TTC17: variants seen among roughly 807,000 people sequenced by gnomAD.
TTC17 encodes the protein tetratricopeptide repeat protein 17.
In TTC17, 58 loss-of-function variants were observed where a neutral mutation model predicts 143.8. The ratio of observed to expected loss-of-function variants is 0.40; its 90% CI spans 0.33 to 0.50. TTC17 has a LOEUF of 0.50. TTC17 is among the 20% of genes least tolerant of loss of function. TTC17 has a pLI of 0.49. For synonymous variants in TTC17, 501 were observed against 497.8 expected, an observed-to-expected ratio of 1.01 and a Z score of -0.09; for missense variants, 1,273 against 1,392.5, an observed-to-expected ratio of 0.91 and a Z score of 1.37.
intron 1 of TTC17, among the ~76,000 whole-genome samples, chr11:43,371,578 T>A (rs1190485346): frequency 6.6e-6 from 1 of 152,242 alleles, no homozygotes; most frequent in Non-Finnish European, 1.5e-5. Context: ...CTGAACCCAG[T>A]CCTTTTGGGG....
intron 16 of TTC17, among the ~76,000 whole-genome samples, chr11:43,433,953 A>G (rs1399919878): frequency 6.6e-5 from 10 of 152,182 alleles, no homozygotes; most frequent in South Asian, 2.1e-4. Context: ...ATAATAAATT[A>G]TACTCAATTG....
chr11:43,431,865 A>T (rs1291036424), intron 16 of TTC17, among the ~76,000 whole-genome samples: 1 of 152,240 alleles, frequency 6.6e-6, no homozygotes, highest in African/African-American at 2.4e-5. Flanking sequence ...GATGAGGAAA[A>T]CGATTCACAA....
At chr11:43,365,283 TG>T (rs1278866347) in intron 1 of TTC17, among the ~76,000 whole-genome samples, 1 of 152,096 alleles carries the variant, frequency 6.6e-6, no homozygotes, top group Non-Finnish European at 1.5e-5. Context: ...TTTTATTTTT[TG>T]TAGAGATAGG....
intron 2 of TTC17, among the ~76,000 whole-genome samples, chr11:43,387,290 T>A (rs1857205215): frequency 6.6e-6 from 1 of 152,156 alleles, no homozygotes; most frequent in South Asian, 2.1e-4. Context: ...CTCAGTGCTG[T>A]TCTCATGAAG....
intron 2 of TTC17, 72 bp from the exon 3 acceptor site, chr11:43,389,580 C>A: frequency 7.0e-7 from 1 of 1,434,250 alleles, no homozygotes; most frequent in Non-Finnish European, 9.3e-7. Flanking sequence ...GCTCAGATTC[C>A]CCTTTCTCTT....
intron 16 of TTC17, among the ~76,000 whole-genome samples, chr11:43,439,804 C>T (rs1947375731): frequency 6.6e-6 from 1 of 152,002 alleles, no homozygotes; most frequent in African/African-American, 2.4e-5. Context: ...CTCCTAGTCC[C>T]TGTGATTCTT....
intron 21 of TTC17, among the ~76,000 whole-genome samples, chr11:43,464,313 A>G (rs770199707): frequency 1.3e-5 from 2 of 151,966 alleles, no homozygotes; most frequent in South Asian, 2.1e-4. Flanking sequence ...CATTCCTTCT[A>G]CTACACACCA....
intron 5 of TTC17, among the ~76,000 whole-genome samples, chr11:43,394,854 G>A (rs1402742983): frequency 6.6e-6 from 1 of 152,002 alleles, no homozygotes; most frequent in East Asian, 1.9e-4. Context: ...AAGCAGAGGG[G>A]GAAAGCCAGC....
At chr11:43,375,641 C>T (rs181341734) in intron 1 of TTC17, among the ~76,000 whole-genome samples, 1 of 150,124 alleles carries the variant, frequency 6.7e-6, no homozygotes, top group Admixed American at 6.6e-5. Context: ...AGATGAATAC[C>T]ATTTAAAAAA....
At chr11:43,411,957 A>G (rs11602575) in intron 15 of TTC17, among the ~76,000 whole-genome samples, 14,047 of 152,282 alleles carry the variant, frequency 0.092, 800 homozygotes, top group Middle Eastern at 0.16. Context: ...GCATTGTTTT[A>G]CATAGGGATA....
At chr11:43,425,799 AATT>A (rs1160888341) in intron 16 of TTC17, among the ~76,000 whole-genome samples, 2 of 152,192 alleles carry the variant, frequency 1.3e-5, no homozygotes, top group African/African-American at 2.4e-5. Context: ...AAGTATATTT[AATT>A]ATTATCTCAA....
chr11:43,467,666 C>T (rs187526595), intron 21 of TTC17, among the ~76,000 whole-genome samples: 52 of 152,092 alleles, frequency 3.4e-4, no homozygotes, highest in African/African-American at 1.2e-3. Context: ...GTTTTCACTA[C>T]AATAACAAGT....
At chr11:43,441,870 TTGGGTTAC>T (rs1947429085) in intron 16 of TTC17, among the ~76,000 whole-genome samples, 1 of 152,214 alleles carries the variant, frequency 6.6e-6, no homozygotes, top group African/African-American at 2.4e-5. Flanking sequence ...AGCAATCACC[TTGGGTTAC>T]TGGGTTTGCA....
At chr11:43,388,997 G>A (rs907401063) in intron 2 of TTC17, among the ~76,000 whole-genome samples, 14 of 151,246 alleles carry the variant, frequency 9.3e-5, no homozygotes, top group African/African-American at 3.2e-4. Context: ...AAAATTAACT[G>A]GGCATGTGGG....
intron 21 of TTC17, among the ~76,000 whole-genome samples, chr11:43,471,465 C>T (rs894455802): frequency 6.6e-6 from 1 of 152,194 alleles, no homozygotes; most frequent in African/African-American, 2.4e-5. Flanking sequence ...CCTAGTTTGG[C>T]CTAATGCATC....
rs1337008916 is a variant in TTC17, at chr11:43,404,229, T to C, written c.1479+85T>C. Reference sequence around the variant, plus strand: ...TGGCCCTCAACCTCACTGATTAATATGGCCTCTATGACTGTTCAGATTAGT... The same window carrying C: ...TGGCCCTCAACCTCACTGATTAATACGGCCTCTATGACTGTTCAGATTAGT... On this transcript the variant is annotated intron_variant, in intron 11 of 23. Coordinates refer to ENST00000039989, the MANE Select transcript of TTC17 (RefSeq NM_018259.6). 1.0e-5 allele frequency: 14 copies of C among 1,344,458 alleles called. No individual in the cohort carries two copies. The Middle Eastern group carries it at 7.6e-4, about 73-fold the overall frequency. The allele number at this position is 1,344,458 out of a possible 1,614,324, so 83.3% of individuals were successfully genotyped here. A position where few individuals can be genotyped will look rare whatever the true frequency, so the allele number is the denominator to read the frequency against.
chr11:43,369,016 T>A (rs954350582), intron 1 of TTC17, among the ~76,000 whole-genome samples: 7 of 152,238 alleles, frequency 4.6e-5, no homozygotes, highest in African/African-American at 1.4e-4. Flanking sequence ...TCCTTTCAGG[T>A]CTCTTTTCAC....
intron 5 of TTC17, among the ~76,000 whole-genome samples, chr11:43,395,099 C>CTTT (rs34977501): frequency 9.5e-5 from 13 of 137,448 alleles, no homozygotes; most frequent in South Asian, 2.3e-4. Flanking sequence ...TCATGTAGAA[C>CTTT]TTTTTTTTTT....
chr11:43,473,529 G>A (rs771852653), intron 21 of TTC17, among the ~76,000 whole-genome samples: 1 of 152,040 alleles, frequency 6.6e-6, no homozygotes, highest in Non-Finnish European at 1.5e-5. Flanking sequence ...AGTTTTATAA[G>A]ACTAAAACCT....
Sources: gnomAD v4.1 joint callset for allele counts (sites outside exome capture counted in the v4.1 genomes callset) on GRCh38, gnomAD v4.1.1 for gene constraint, MANE v1.5 for transcripts, NCBI Gene and HGNC (gene_info 2026-07-23, HGNC 2026-07-21) for gene names.